The following TOX variants were observed in gnomAD, a reference collection of about 807,000 sequenced individuals.
TOX encodes the protein thymocyte selection-associated high mobility group box protein TOX.
TOX carries 11 observed loss-of-function variants against 53.7 expected under a neutral mutation model. The ratio of observed to expected loss-of-function variants is 0.20; its 90% CI spans 0.13 to 0.34. The LOEUF (loss-of-function observed/expected upper bound fraction) is 0.34. Among genes scored for constraint, TOX ranks in the 10% least tolerant of loss-of-function variants. TOX has a pLI of 1.00. For missense variants in TOX, 570 were observed against 664.6 expected (o/e 0.86, Z 1.56); for synonymous variants, 225 against 245.3 (o/e 0.92, Z 0.77).
chr8:58,938,005 T>A (rs879386435), intron 3 of TOX, among the ~76,000 whole-genome samples: 1 of 152,170 alleles, frequency 6.6e-6, no homozygotes, highest in African/African-American at 2.4e-5. Flanking sequence ...TTAATACTCA[T>A]AAGCTAAATC....
At chr8:59,012,524 A>G (rs1049404916) in intron 1 of TOX, among the ~76,000 whole-genome samples, 2 of 152,024 alleles carry the variant, frequency 1.3e-5, no homozygotes, top group African/African-American at 4.8e-5. Flanking sequence ...CTCACATGAG[A>G]TCACAATTTT....
chr8:58,944,539 G>A (rs1812495438), intron 2 of TOX, among the ~76,000 whole-genome samples: 1 of 152,144 alleles, frequency 6.6e-6, no homozygotes, highest in Admixed American at 6.5e-5. Flanking sequence ...TGTTAAGAAT[G>A]GCCACTGTGC....
intron 3 of TOX, among the ~76,000 whole-genome samples, chr8:58,903,021 T>A (rs1811755164): frequency 6.6e-6 from 1 of 152,220 alleles, no homozygotes; most frequent in Non-Finnish European, 1.5e-5. Flanking sequence ...TGAGAATAGT[T>A]GTCCTAAATA....
intron 1 of TOX, among the ~76,000 whole-genome samples, chr8:59,082,463 T>C (rs1382260090): frequency 6.6e-6 from 1 of 152,268 alleles, no homozygotes; most frequent in African/African-American, 2.4e-5. Flanking sequence ...CAGCTAGAAG[T>C]GATCTTAACA....
At chr8:58,948,282 C>T (rs1310670456) in intron 2 of TOX, among the ~76,000 whole-genome samples, 3 of 152,130 alleles carry the variant, frequency 2.0e-5, no homozygotes, top group African/African-American at 7.2e-5. Flanking sequence ...CTGCCTCTCT[C>T]TCCACATACT....
chr8:58,934,134 G>T (rs959392348), intron 3 of TOX, among the ~76,000 whole-genome samples: 6 of 152,102 alleles, frequency 3.9e-5, no homozygotes, highest in African/African-American at 1.4e-4. Context: ...AGAACTAATT[G>T]GCACTTATTT....
chr8:59,116,528 T>C (rs1805101575), intron 1 of TOX, among the ~76,000 whole-genome samples: 1 of 152,200 alleles, frequency 6.6e-6, no homozygotes, highest in Non-Finnish European at 1.5e-5. Flanking sequence ...ATGCTAATCA[T>C]GGTGGAGTGA....
At chr8:59,097,692 G>T (rs1417239210) in intron 1 of TOX, among the ~76,000 whole-genome samples, 1 of 152,178 alleles carries the variant, frequency 6.6e-6, no homozygotes, top group Admixed American at 6.5e-5. Flanking sequence ...GGCCTTGACT[G>T]ATAGTTGTAC....
chr8:58,996,938 TC>T (rs1229043390), intron 1 of TOX, among the ~76,000 whole-genome samples: 3 of 152,198 alleles, frequency 2.0e-5, no homozygotes, highest in Non-Finnish European at 4.4e-5. Context: ...GAGACCTTCC[TC>T]TAGAGGTTTG....
intron 1 of TOX, among the ~76,000 whole-genome samples, chr8:59,062,552 A>G (rs1453595703): frequency 1.3e-5 from 2 of 152,226 alleles, no homozygotes; most frequent in Non-Finnish European, 2.9e-5. Flanking sequence ...GTGTGCTTCA[A>G]TAGAATGGCT....
At chr8:58,852,327 G>T (rs1427779387) in intron 3 of TOX, among the ~76,000 whole-genome samples, 1 of 152,044 alleles carries the variant, frequency 6.6e-6, no homozygotes, top group African/African-American at 2.4e-5. Context: ...AGCTTTACAG[G>T]GTATTACTAG....
intron 1 of TOX, among the ~76,000 whole-genome samples, chr8:58,998,291 C>A (rs1015834668): frequency 6.6e-6 from 1 of 150,738 alleles, no homozygotes; most frequent in Non-Finnish European, 1.5e-5. Flanking sequence ...GAGTTTGAGA[C>A]CAGCCTGGCC....
Position 58,808,319 on chromosome 8 carries a change from A to G in TOX, c.1393-50T>C, listed in dbSNP as rs745517201. The stretch of plus-strand genomic sequence containing the variant: ...ATAAGGATCAAAATGCATTTTAAGA[A>G]GAAAAGCACCTAAATATTTATTCAT... On this transcript the variant is annotated intron_variant, in intron 7 of 8. Coordinates refer to ENST00000361421, the MANE Select transcript of TOX (RefSeq NM_014729.3). 1.8e-5 allele frequency: 29 copies of G among 1,568,138 alleles called. No individual in the cohort carries two copies. The Admixed American group carries it at 5.4e-4, about 29-fold the overall frequency.
At chr8:58,882,441 T>C (rs1811399363) in intron 3 of TOX, among the ~76,000 whole-genome samples, 1 of 152,222 alleles carries the variant, frequency 6.6e-6, no homozygotes, top group Admixed American at 6.5e-5. Context: ...GTCATATCTT[T>C]CTTAGCTGTT....
chr8:59,039,534 A>G (rs575273978), intron 1 of TOX, among the ~76,000 whole-genome samples: 76 of 152,268 alleles, frequency 5.0e-4, no homozygotes, highest in African/African-American at 1.6e-3. Flanking sequence ...CCTATGCTCA[A>G]TGCATTTCCC....
intron 3 of TOX, among the ~76,000 whole-genome samples, chr8:58,931,457 T>C (rs562788339): frequency 6.6e-6 from 1 of 152,320 alleles, no homozygotes; most frequent in South Asian, 2.1e-4. Flanking sequence ...AAATGTCAAA[T>C]ATTTGAAATC....
At chr8:59,044,457 T>C (rs1803650279) in intron 1 of TOX, among the ~76,000 whole-genome samples, 1 of 152,120 alleles carries the variant, frequency 6.6e-6, no homozygotes, top group African/African-American at 2.4e-5. Flanking sequence ...TGAATCCCCA[T>C]CCACATTTCC....
At chr8:59,107,798 T>C (rs777204421) in intron 1 of TOX, among the ~76,000 whole-genome samples, 2 of 152,192 alleles carry the variant, frequency 1.3e-5, no homozygotes, top group Non-Finnish European at 2.9e-5. Context: ...CCTATGTGTA[T>C]ACAACAGGTT....
chr8:58,877,867 A>G (rs1353759915), intron 3 of TOX, among the ~76,000 whole-genome samples: 3 of 152,170 alleles, frequency 2.0e-5, no homozygotes, highest in Non-Finnish European at 4.4e-5. Context: ...TTAAAAAAAA[A>G]AAAAGCCTCA....
Sources: allele counts gnomAD v4.1 joint callset (sites outside exome capture counted in the v4.1 genomes callset), GRCh38; gene constraint gnomAD v4.1.1; transcripts MANE v1.5; gene names NCBI Gene and HGNC (gene_info 2026-07-23, HGNC 2026-07-21).